ZNF451: variants seen among roughly 807,000 people sequenced by gnomAD.
The protein encoded by ZNF451 is E3 SUMO-protein ligase ZNF451.
A neutral mutation model predicts 107.1 loss-of-function variants in ZNF451; 80 were observed. The ratio of observed to expected loss-of-function variants is 0.75; its 90% CI spans 0.62 to 0.90. ZNF451 has a LOEUF of 0.90. Ranked by LOEUF, ZNF451 falls within the 40% of genes least tolerant of loss-of-function variation. The pLI is 0.00. For missense variants in ZNF451, 1,107 were observed against 1,236.2 expected, an observed-to-expected ratio of 0.90 and a Z score of 1.57; for synonymous variants, 362 against 406.5, an observed-to-expected ratio of 0.89 and a Z score of 1.32.
rs1831349221 is a variant in ZNF451 at position 57,134,728 on chromosome 6, C to T, written c.576-16C>T. ...AGATTTATCTAATATTACCTCTTAC[C>T]TCTTTTGCTGAGTAGGTTCGATCAC... is the stretch of plus-strand genomic sequence containing the variant. On this transcript the variant is annotated splice_polypyrimidine_tract_variant and intron_variant, in intron 6 of 14. Coordinates refer to ENST00000370706, the MANE Select transcript of ZNF451 (RefSeq NM_001031623.3). The T allele has an allele frequency of 1.2e-6, 2 of 1,606,730 alleles. No individual in the cohort carries two copies. The highest frequency in any genetic ancestry group is 1.3e-5 in the African/African-American group (1 of 74,528).
At chr6:57,163,669 C>G (rs1222118861) in intron 14 of ZNF451, among the ~76,000 whole-genome samples, 2 of 150,972 alleles carry the variant, frequency 1.3e-5, no homozygotes, top group Non-Finnish European at 3.0e-5. Context: ...CCAGGATGGT[C>G]TCGATCTCCT....
At chr6:57,095,280 T>C (rs1829235770) in intron 2 of ZNF451, among the ~76,000 whole-genome samples, 1 of 151,900 alleles carries the variant, frequency 6.6e-6, no homozygotes, top group African/African-American at 2.4e-5. Context: ...TGTATAAATA[T>C]TCTAAATGAC....
chr6:57,148,009 A>G lies in ZNF451; in HGVS notation c.1924A>G (p.Arg642Gly), dbSNP rs1367236209. The stretch of plus-strand genomic sequence containing the variant: ...TCATAGATACAGCTGTGCTCACTGC[A>G]GAAAGCCTTTTCATAAGATAGAAAC... ...KFHRYSCAHCRKPFHKIETLY... is the reference protein window; with the variant it reads ...KFHRYSCAHCGKPFHKIETLY... Residue 642 changes from arginine to glycine, a missense_variant, in exon 10 of 15, where the codon AGA becomes GGA. By Grantham distance (125) the Arg-to-Gly change is moderately radical (BLOSUM62 -2). Coordinates refer to ENST00000370706, the MANE Select transcript of ZNF451 (RefSeq NM_001031623.3). 5.0e-6 allele frequency: 8 copies of G among 1,614,034 alleles called. No individual in the cohort carries two copies. Among genetic ancestry groups the G allele is most frequent in the Non-Finnish European group, 6.8e-6 (8 of 1,179,986 alleles).
intron 5 of ZNF451, among the ~76,000 whole-genome samples, chr6:57,132,742 G>A (rs1028002956): frequency 1.5e-4 from 23 of 151,788 alleles, no homozygotes; most frequent in African/African-American, 5.1e-4. Context: ...GCATGGTGGC[G>A]TGCTCCTGTA....
intron 14 of ZNF451, chr6:57,165,963 T>C (rs1419583152): frequency 6.6e-6 from 1 of 152,088 alleles, no homozygotes; most frequent in Non-Finnish European, 1.5e-5. Context: ...GGTGAGTGAA[T>C]GTGAAGGTCT....
At chr6:57,095,687 A>C (rs1261268426) in intron 2 of ZNF451, among the ~76,000 whole-genome samples, 5 of 151,982 alleles carry the variant, frequency 3.3e-5, no homozygotes, top group Non-Finnish European at 7.4e-5. Context: ...GAATCATATA[A>C]AATTATTGTT....
In ZNF451 at chr6:57,142,019, G is replaced by C; in HGVS notation, c.928G>C (p.Asp310His). The change falls in exon 9 of 15, where the codon GAT becomes CAT. Residue 310 changes from aspartate to histidine, a missense_variant. Asp to His is a moderately conservative substitution (Grantham distance 81). Coordinates refer to ENST00000370706, the MANE Select transcript of ZNF451 (RefSeq NM_001031623.3). ...AKKLLISLCK[D>H]VPFQVKCVAC... ...GAAACTTTTGATCTCTCTGTGCAAA[G>C]ATGTTCCCTTTCAAGTTAAGTGTGT... The C allele has an allele frequency of 6.2e-7, 1 of 1,614,110 alleles. No homozygotes were observed. Among genetic ancestry groups the C allele is most frequent in the Non-Finnish European group, 8.5e-7 (1 of 1,179,984 alleles).
chr6:57,141,642 C>G (rs1237548866), intron 8 of ZNF451, among the ~76,000 whole-genome samples, 187 bp downstream of exon 8: 1 of 152,056 alleles, frequency 6.6e-6, no homozygotes, highest in African/African-American at 2.4e-5. Context: ...ATGAGTAAGG[C>G]TTACTAACTT....
chr6:57,110,854 C>T (rs1234153982), intron 3 of ZNF451, among the ~76,000 whole-genome samples: 1 of 151,478 alleles, frequency 6.6e-6, no homozygotes, highest in Non-Finnish European at 1.5e-5. Context: ...TTGTCAACTT[C>T]GTATTCGTTT....
intron 3 of ZNF451, chr6:57,102,269 A>C (rs1387520126): frequency 1.0e-5 from 14 of 1,335,698 alleles, no homozygotes; most frequent in Admixed American, 3.6e-5. Flanking sequence ...GTATATAATA[A>C]AGAAACTCAT....
intron 2 of ZNF451, among the ~76,000 whole-genome samples, chr6:57,093,251 C>T (rs1045981169): frequency 3.3e-5 from 5 of 152,114 alleles, no homozygotes; most frequent in Non-Finnish European, 7.4e-5. Context: ...GCTAACAAAA[C>T]AATACAAGAG....
intron 3 of ZNF451, chr6:57,102,674 C>T (rs1829663143): frequency 1.0e-6 from 1 of 985,336 alleles, no homozygotes; most frequent in Non-Finnish European, 1.2e-6. Flanking sequence ...CAGAATCAGC[C>T]ATGAAGCTTT....
intron 9 of ZNF451, among the ~76,000 whole-genome samples, chr6:57,146,051 A>G (rs1832048666): frequency 6.6e-6 from 1 of 152,048 alleles, no homozygotes; most frequent in South Asian, 2.1e-4. Context: ...ATGATTAGTA[A>G]TGTTGAGTAT....
At position 57,099,070 on chromosome 6, in the gene ZNF451, T is replaced by G. The variant is rs1468323807; in HGVS notation, c.115T>G (p.Leu39Val). 6.2e-7 allele frequency: 1 copy of G among 1,613,568 alleles called. No homozygotes were observed. The highest frequency in any genetic ancestry group is 8.5e-7 in the Non-Finnish European group (1 of 1,179,576). ...GCTTGATTGTTTATAGGAAGGACCATTACGACCTGTTCTTGAATACATTGA... is the reference window on the plus strand; with the variant it reads ...GCTTGATTGTTTATAGGAAGGACCAGTACGACCTGTTCTTGAATACATTGA... ...DDIQFVSEGP[L>V]RPVLEYIDLV... Residue 39 changes from leucine (L) to valine (V), a missense_variant, in exon 3 of 15, where the codon TTA becomes GTA. Physicochemically the swap from Leu to Val is conservative, Grantham distance 32 (BLOSUM62 1). This residue lies in a region of ZNF451 where 339 missense variants were observed against 372.8 expected (regional missense o/e 0.91). Transcript: ENST00000370706.
chr6:57,155,317 C>T (rs945220130), intron 13 of ZNF451, among the ~76,000 whole-genome samples: 1 of 152,166 alleles, frequency 6.6e-6, no homozygotes, highest in Non-Finnish European at 1.5e-5. Flanking sequence ...GAAAACCCAT[C>T]TCTACTAAAT....
Position 57,099,652 on chromosome 6 carries a change from T to TA in ZNF451, c.186+512dup. 4.8e-6 allele frequency: 3 copies of TA among 623,768 alleles called. No homozygotes were observed. The South Asian group carries it at 5.8e-5, about 12-fold the overall frequency. 38.6% of individuals were successfully genotyped at this position (623,768 alleles called of 1,614,324 possible). ...TGTCTGTGCCCCACATATTTGGAGT[T>TA]ATTTATCTTACCTGTGATGTACTGG... On this transcript the variant is annotated intron_variant, in intron 3 of 14. Transcript: ENST00000370706.
intron 9 of ZNF451, among the ~76,000 whole-genome samples, chr6:57,146,293 A>G (rs1031869757): frequency 4.0e-5 from 6 of 151,854 alleles, no homozygotes; most frequent in East Asian, 1.9e-4. Context: ...CCATTTGTCT[A>G]TTTTAGGGCT....
At chr6:57,144,657 G>T (rs1480163010) in intron 9 of ZNF451, among the ~76,000 whole-genome samples, 2 of 152,142 alleles carry the variant, frequency 1.3e-5, no homozygotes, top group Non-Finnish European at 2.9e-5. Flanking sequence ...GGCTGGGCGT[G>T]GTGGCTCACA....
At chr6:57,098,084 C>T (rs1456877965) in intron 2 of ZNF451, among the ~76,000 whole-genome samples, 1 of 150,838 alleles carries the variant, frequency 6.6e-6, no homozygotes. Flanking sequence ...ATTCTCCAGC[C>T]TCAGCCTCCT....
Sources: allele counts gnomAD v4.1 joint callset (sites outside exome capture counted in the v4.1 genomes callset), GRCh38; gene constraint gnomAD v4.1.1; regional missense constraint gnomAD v4.1.1; transcripts MANE v1.5; gene names NCBI Gene and HGNC (gene_info 2026-07-23, HGNC 2026-07-21).